The following PIEZO2 variants were observed in gnomAD, a reference collection of about 807,000 sequenced individuals.
The protein encoded by PIEZO2 is piezo-type mechanosensitive ion channel component 2.
In PIEZO2, 172 loss-of-function variants were observed where a neutral mutation model predicts 337.3. The ratio of observed to expected loss-of-function variants is 0.51; its 90% CI spans 0.45 to 0.58. The LOEUF (loss-of-function observed/expected upper bound fraction) is 0.58. PIEZO2 is among the 20% of genes least tolerant of loss of function. PIEZO2 has a pLI of 0.00. For missense variants in PIEZO2, 3,028 were observed against 3,391.3 expected (o/e 0.89, Z 2.66); for synonymous variants, 1,251 against 1,228.5 (o/e 1.02, Z -0.38).
At chr18:10,768,286 G>A (rs970990830) in intron 21 of PIEZO2, among the ~76,000 whole-genome samples, 18 of 152,314 alleles carry the variant, frequency 1.2e-4, no homozygotes, top group African/African-American at 3.4e-4. Flanking sequence ...CAGAAAGTGC[G>A]CTGTGTTCAG....
chr18:10,806,893 T>C (rs1018397619), intron 8 of PIEZO2, among the ~76,000 whole-genome samples: 1 of 152,230 alleles, frequency 6.6e-6, no homozygotes, highest in Non-Finnish European at 1.5e-5. Flanking sequence ...CCTGCCATTC[T>C]TACCAGCAGT....
At chr18:10,688,317 A>G (rs1683879139) in intron 49 of PIEZO2, among the ~76,000 whole-genome samples, 1 of 152,176 alleles carries the variant, frequency 6.6e-6, no homozygotes, top group East Asian at 1.9e-4. Flanking sequence ...TCATCCATGT[A>G]TCTGCAAACG....
chr18:10,760,783 GTTC>G, intron 24 of PIEZO2, 125 bp downstream of exon 24: 1 of 809,772 alleles, frequency 1.2e-6, no homozygotes, highest in South Asian at 1.8e-5. Context: ...AATACTTTCT[GTTC>G]TTCTCAAGGG....
chr18:11,005,009 A>C (rs562576337), intron 2 of PIEZO2, among the ~76,000 whole-genome samples: 1 of 152,354 alleles, frequency 6.6e-6, no homozygotes, highest in East Asian at 1.9e-4. Flanking sequence ...AATCACAATA[A>C]TGAAAAAAGG....
chr18:11,100,246 T>C (rs1428499278), intron 1 of PIEZO2, among the ~76,000 whole-genome samples: 1 of 152,220 alleles, frequency 6.6e-6, no homozygotes, highest in African/African-American at 2.4e-5. Context: ...ATTAAATACA[T>C]CCATTGCCTT....
chr18:11,077,637 T>G lies in PIEZO2; in HGVS notation c.65-11415A>C, dbSNP rs1333887530. 3.9e-5 allele frequency among the ~76,000 whole-genome samples: 6 copies of G among 152,204 alleles called. No homozygotes were observed. The highest frequency in any genetic ancestry group is 1.4e-4 in the African/African-American group (6 of 41,458). On this transcript the variant is annotated intron_variant, in intron 1 of 55. Coordinates refer to ENST00000674853, the MANE Select transcript of PIEZO2 (RefSeq NM_001378183.1). The surrounding 1 kb of genome is among the most constrained non-coding windows in gnomAD (Gnocchi z 4.8). Reference sequence around the variant, plus strand: ...CTGCAGTGAGCTGTGATCGCACCACTGCACTCCAGCCTGTTTCAGAAGTTC... The same window carrying G: ...CTGCAGTGAGCTGTGATCGCACCACGGCACTCCAGCCTGTTTCAGAAGTTC...
rs2040953567 is a variant in PIEZO2 at position 10,834,744 on chromosome 18, T to C, written c.917+20609A>G. On this transcript the variant is annotated intron_variant, in intron 7 of 55. Coordinates refer to ENST00000674853, the MANE Select transcript of PIEZO2 (RefSeq NM_001378183.1). The surrounding 1 kb of genome is among the most constrained non-coding windows in gnomAD (Gnocchi z 4.5). ...TCCCTTTCCACAAGGCCAGGCTTCCTAGAAAAGGCAGGGTGCCTAGAACAC... is the reference window on the plus strand; with the variant it reads ...TCCCTTTCCACAAGGCCAGGCTTCCCAGAAAAGGCAGGGTGCCTAGAACAC... Among the ~76,000 whole-genome samples, 1 of 152,166 alleles carries C rather than the reference T, an allele frequency of 6.6e-6. No homozygotes were observed. Among genetic ancestry groups the C allele is most frequent in the African/African-American group, 2.4e-5 (1 of 41,438 alleles).
At position 10,671,782 on chromosome 18, in the gene PIEZO2, GA is replaced by G; in HGVS notation, c.8346-4del. On this transcript the variant is annotated splice_polypyrimidine_tract_variant and splice_region_variant and intron_variant, in intron 55 of 55. Transcript: ENST00000674853. ...CTGAAGCATATAATCCCATAATACT[GA>G]AAAAAACAGTAAGTAGAAATTGCAT... 1.3e-6 allele frequency: 2 copies of G among 1,587,736 alleles called. No homozygotes were observed. Among genetic ancestry groups the G allele is most frequent in the Non-Finnish European group, 8.6e-7 (1 of 1,167,250 alleles).
chr18:11,142,697 C>T (rs912002611), intron 1 of PIEZO2, among the ~76,000 whole-genome samples: 4 of 148,958 alleles, frequency 2.7e-5, no homozygotes, highest in African/African-American at 7.4e-5. Context: ...AGAAGAATCG[C>T]TTGAACCCCA....
intron 2 of PIEZO2, among the ~76,000 whole-genome samples, chr18:11,026,594 G>C (rs531252906): frequency 2.0e-5 from 3 of 152,298 alleles, no homozygotes; most frequent in African/African-American, 7.2e-5. Flanking sequence ...CCTATGCTCC[G>C]TATGGAAAGA....
intron 7 of PIEZO2, among the ~76,000 whole-genome samples, chr18:10,851,192 T>C (rs1395932893): frequency 1.3e-5 from 2 of 151,432 alleles, no homozygotes; most frequent in Non-Finnish European, 2.9e-5. Flanking sequence ...CAGTTTGTTT[T>C]CTTCCAACTC....
At chr18:10,714,558 T>C (rs1228460260) in intron 39 of PIEZO2, among the ~76,000 whole-genome samples, 1 of 152,206 alleles carries the variant, frequency 6.6e-6, no homozygotes, top group Non-Finnish European at 1.5e-5. Context: ...AATAGTGTCT[T>C]ATTGATATCT....
chr18:11,096,499 A>G lies in PIEZO2; in HGVS notation c.65-30277T>C, dbSNP rs1474699859. ...CCTGTTTCTGGGTTTTGGTTTCCTCATTGATAAAACTGAAATGACGCTTTA... is the reference window on the plus strand; with the variant it reads ...CCTGTTTCTGGGTTTTGGTTTCCTCGTTGATAAAACTGAAATGACGCTTTA... On this transcript the variant is annotated intron_variant, in intron 1 of 55. Transcript: ENST00000674853. This position sits in a 1 kb window ranked among gnomAD's most constrained non-coding sequence, Gnocchi z 4.6. Among the ~76,000 whole-genome samples, 2 of 152,222 alleles carry G rather than the reference A, an allele frequency of 1.3e-5. No individual in the cohort carries two copies. Among genetic ancestry groups the G allele is most frequent in the East Asian group, 1.9e-4 (1 of 5,178 alleles).
At position 10,895,832 on chromosome 18, in the gene PIEZO2, G is replaced by A. The variant is rs559594382; in HGVS notation, c.329+15354C>T. Among the ~76,000 whole-genome samples, 8 of 152,266 alleles carry A rather than the reference G, an allele frequency of 5.3e-5. No individual in the cohort carries two copies. Among genetic ancestry groups the A allele is most frequent in the African/African-American group, 1.7e-4 (7 of 41,556 alleles). On this transcript the variant is annotated intron_variant, in intron 4 of 55. Transcript: ENST00000674853. This position sits in a 1 kb window ranked among gnomAD's most constrained non-coding sequence, Gnocchi z 4.8. Reference sequence around the variant, plus strand: ...CCAGCACTTTGGGAGGCTGAGGTGGGCAGATCACCTGAGGTCAGGAGTTCC... The same window carrying A: ...CCAGCACTTTGGGAGGCTGAGGTGGACAGATCACCTGAGGTCAGGAGTTCC...
chr18:11,074,331 G>A (rs867564113), intron 1 of PIEZO2, among the ~76,000 whole-genome samples: 47 of 152,104 alleles, frequency 3.1e-4, no homozygotes, highest in Admixed American at 3.3e-4. Flanking sequence ...CAATGTTACC[G>A]TTGACAGAAC....
In PIEZO2 at chr18:11,094,680, G is replaced by T. The variant is rs2039211305; in HGVS notation, c.65-28458C>A. Reference sequence around the variant, plus strand: ...TCAATAAAGTGAAGAAATTCCTTTTGAATTTTTCTGTACAGATTCTAACAG... The same window carrying T: ...TCAATAAAGTGAAGAAATTCCTTTTTAATTTTTCTGTACAGATTCTAACAG... On this transcript the variant is annotated intron_variant, in intron 1 of 55. Transcript: ENST00000674853. This position sits in a 1 kb window ranked among gnomAD's most constrained non-coding sequence, Gnocchi z 4.4. Among the ~76,000 whole-genome samples, 1 of 152,162 alleles carries T rather than the reference G, an allele frequency of 6.6e-6. No individual in the cohort carries two copies. The highest frequency in any genetic ancestry group is 2.4e-5 in the African/African-American group (1 of 41,438).
chr18:11,142,210 CT>C (rs1163794480), intron 1 of PIEZO2, among the ~76,000 whole-genome samples: 1 of 152,182 alleles, frequency 6.6e-6, no homozygotes, highest in Admixed American at 6.5e-5. Flanking sequence ...CATATATTTT[CT>C]TTTAAAAACC....
At chr18:10,884,617 A>C (rs1433680024) in intron 4 of PIEZO2, among the ~76,000 whole-genome samples, 1 of 152,212 alleles carries the variant, frequency 6.6e-6, no homozygotes, top group African/African-American at 2.4e-5. Flanking sequence ...GTGGGGTATA[A>C]GGACACCATT....
Position 11,002,046 on chromosome 18 carries a change from G to A in PIEZO2, c.161-22386C>T, listed in dbSNP as rs191104465. 2.8e-3 allele frequency among the ~76,000 whole-genome samples: 420 copies of A among 152,236 alleles called. 3 individuals are homozygous for A. Among genetic ancestry groups the A allele is most frequent in the African/African-American group, 9.5e-3 (393 of 41,530 alleles). On this transcript the variant is annotated intron_variant, in intron 2 of 55. Coordinates refer to ENST00000674853, the MANE Select transcript of PIEZO2 (RefSeq NM_001378183.1). This position sits in a 1 kb window ranked among gnomAD's most constrained non-coding sequence, Gnocchi z 4.3. ...AGAGAGTAGATATTTTAGGCTTTGT[G>A]AGACACATAGTCTCTGTTACAATGA...
Sources: gnomAD v4.1 joint callset for allele counts (sites outside exome capture counted in the v4.1 genomes callset) on GRCh38, gnomAD v4.1.1 for gene constraint, Gnocchi (gnomAD v3.1) non-coding constraint, MANE v1.5 for transcripts, NCBI Gene and HGNC (gene_info 2026-07-23, HGNC 2026-07-21) for gene names.